SPON1: variants seen among roughly 807,000 people sequenced by gnomAD.
SPON1 encodes spondin-1.
A neutral mutation model predicts 111.7 loss-of-function variants in SPON1; 52 were observed. That is an observed-to-expected ratio of 0.47 (90% CI 0.37 to 0.59). The LOEUF is 0.59. Ranked by LOEUF, SPON1 falls within the 20% of genes least tolerant of loss-of-function variation. The probability of loss-of-function intolerance (pLI) is 0.00; values close to 1 mark genes in which losing one functional copy is unlikely to be tolerated. For missense variants in SPON1, 957 were observed against 1,068.5 expected, an observed-to-expected ratio of 0.90 and a Z score of 1.46; for synonymous variants, 410 against 395.8, an observed-to-expected ratio of 1.04 and a Z score of -0.43.
chr11:14,262,884 T>A lies in SPON1; in HGVS notation c.2169T>A (p.Asn723Lys). ...KKCRIRKCLR[N>K]PSIQKLRWRE... is the part of the protein sequence containing the mutation. ...GCCGCATCCGAAAATGCCTTCGAAA[T>A]CCATCCATCCAAAAGCTACGCTGGA... is the stretch of plus-strand genomic sequence containing the variant. The change falls in exon 15 of 16, where the codon AAT becomes AAA. Residue 723 changes from asparagine (N) to lysine (K), a missense_variant. By Grantham distance (94) the Asn-to-Lys change is moderately conservative (BLOSUM62 0). This residue lies in a region of SPON1 where 549 missense variants were observed against 606.2 expected (regional missense o/e 0.91). Transcript: ENST00000576479. 2.5e-6 allele frequency: 4 copies of A among 1,613,704 alleles called. No individual in the cohort carries two copies. The highest frequency in any genetic ancestry group is 3.4e-6 in the Non-Finnish European group (4 of 1,179,852).
intron 2 of SPON1, among the ~76,000 whole-genome samples, chr11:14,002,508 C>T (rs1487756809): frequency 6.6e-6 from 1 of 152,068 alleles, no homozygotes; most frequent in Non-Finnish European, 1.5e-5. Context: ...AGGGAAAGGA[C>T]AGGGCTGAAG....
At chr11:14,199,563 A>G (rs1207435398) in intron 6 of SPON1, among the ~76,000 whole-genome samples, 1 of 151,770 alleles carries the variant, frequency 6.6e-6, no homozygotes, top group African/African-American at 2.4e-5. Flanking sequence ...CCTTTTCCCA[A>G]TCTCCCTGCC....
intron 2 of SPON1, among the ~76,000 whole-genome samples, chr11:13,987,610 A>G (rs1554910598): frequency 6.6e-6 from 1 of 152,076 alleles, no homozygotes; most frequent in Non-Finnish European, 1.5e-5. Context: ...GGTGTTTTAG[A>G]CATGAAGTCT....
intron 2 of SPON1, among the ~76,000 whole-genome samples, chr11:13,986,532 C>T (rs1591340889): frequency 6.6e-6 from 1 of 151,266 alleles, no homozygotes; most frequent in Non-Finnish European, 1.5e-5. Context: ...CTTCTTGCTA[C>T]TTTGAAATAC....
intron 6 of SPON1, among the ~76,000 whole-genome samples, chr11:14,235,320 A>T (rs1848851070): frequency 6.6e-6 from 1 of 152,206 alleles, no homozygotes; most frequent in African/African-American, 2.4e-5. Context: ...TACAGCAGTG[A>T]GCAAAACAGA....
At chr11:14,236,646 C>A (rs1177106445) in intron 6 of SPON1, among the ~76,000 whole-genome samples, 1 of 152,140 alleles carries the variant, frequency 6.6e-6, no homozygotes, top group Non-Finnish European at 1.5e-5. Context: ...AAGGCTTGAG[C>A]CCTGGGGCAC....
chr11:14,224,509 C>G (rs1299552279), intron 6 of SPON1, among the ~76,000 whole-genome samples: 1 of 152,186 alleles, frequency 6.6e-6, no homozygotes, highest in Non-Finnish European at 1.5e-5. Flanking sequence ...ACCCTGGGTT[C>G]AGAGGCTGGT....
At chr11:14,127,301 C>CG (rs1329251260) in intron 5 of SPON1, among the ~76,000 whole-genome samples, 17 of 54,496 alleles carry the variant, frequency 3.1e-4, no homozygotes, top group East Asian at 6.9e-4. Flanking sequence ...ATCTGACCTC[C>CG]GAAAAAAAAA....
chr11:14,193,269 A>T (rs1848367140), intron 6 of SPON1, among the ~76,000 whole-genome samples: 1 of 152,140 alleles, frequency 6.6e-6, no homozygotes, highest in Non-Finnish European at 1.5e-5. Context: ...CAGAACCAGG[A>T]AGTGTTGGCA....
chr11:14,156,988 A>G (rs1847855770), intron 6 of SPON1, among the ~76,000 whole-genome samples: 1 of 152,164 alleles, frequency 6.6e-6, no homozygotes, highest in Non-Finnish European at 1.5e-5. Flanking sequence ...TCAACATGAG[A>G]TTTGGTCGAG....
rs77742613 is a variant in SPON1 at position 14,029,731 on chromosome 11, G to C, written c.346-11790G>C. On this transcript the variant is annotated intron_variant, in intron 2 of 15. Transcript: ENST00000576479. ...TGGCTTCATCCAGGAAGTGTAGTCA[G>C]GTTTTTCAGCCTTCAGGCTGTTTTA... 3.8e-3 allele frequency among the ~76,000 whole-genome samples: 578 copies of C among 152,258 alleles called. 3 individuals are homozygous for C. The highest frequency in any genetic ancestry group is 0.013 in the African/African-American group (528 of 41,552).
chr11:14,017,847 G>T (rs1485766678), intron 2 of SPON1, among the ~76,000 whole-genome samples: 1 of 152,184 alleles, frequency 6.6e-6, no homozygotes, highest in Non-Finnish European at 1.5e-5. Flanking sequence ...TTCTGATAAT[G>T]GATGCAATAC....
chr11:14,238,847 T>C (rs1246171991), intron 6 of SPON1, among the ~76,000 whole-genome samples: 2 of 152,182 alleles, frequency 1.3e-5, no homozygotes, highest in Non-Finnish European at 2.9e-5. Flanking sequence ...AATTGGTATG[T>C]CTTTAGAAAA....
intron 1 of SPON1, among the ~76,000 whole-genome samples, chr11:13,966,038 C>T (rs1015776654): frequency 2.0e-5 from 3 of 152,082 alleles, no homozygotes; most frequent in Admixed American, 6.5e-5. Flanking sequence ...TACTCTAGAC[C>T]GGAATAAAAT....
At chr11:14,199,375 A>T (rs1402703117) in intron 6 of SPON1, among the ~76,000 whole-genome samples, 1 of 150,362 alleles carries the variant, frequency 6.7e-6, no homozygotes, top group African/African-American at 2.5e-5. Flanking sequence ...CACCCAGACC[A>T]CTCCTTCCCT....
At position 14,262,938 on chromosome 11, in the gene SPON1, G is replaced by A. The variant is rs1554942075; in HGVS notation, c.2223G>A (p.Glu741=). The A allele has an allele frequency of 5.6e-6, 9 of 1,613,642 alleles. No individual in the cohort carries two copies. In the East Asian group the frequency reaches 6.7e-5, roughly 12 times the overall value. ...AGGCCCGAGAGAGCCGGCGGAGTGA[G>A]CAGCTGAAGGAAGAGTCTGAAGGGG... is the stretch of plus-strand genomic sequence containing the variant. ...WREARESRRS[E]QLKEESEGEQ... is the part of the protein sequence containing the mutation. The change falls in exon 15 of 16, where the codon GAG becomes GAA. Residue 741 remains glutamate (E), a synonymous_variant. Transcript: ENST00000576479.
intron 5 of SPON1, among the ~76,000 whole-genome samples, chr11:14,119,003 C>T (rs1849285105): frequency 6.6e-6 from 1 of 152,162 alleles, no homozygotes. Flanking sequence ...GATAGTGATA[C>T]TGATGAGGAT....
At position 14,228,594 on chromosome 11, in the gene SPON1, G is replaced by A. The variant is rs782615257; in HGVS notation, c.826-14738G>A. Among the ~76,000 whole-genome samples the A allele has an allele frequency of 1.5e-4, 23 of 152,180 alleles. No homozygotes were observed. The highest frequency in any genetic ancestry group is 6.5e-4 in the Admixed American group (10 of 15,280). ...CCTTTGTGCCCCTGGAGGATCACTG[G>A]ATGAGGGTCACCCTGGAAGGAAGTT... On this transcript the variant is annotated intron_variant, in intron 6 of 15. Transcript: ENST00000576479. The surrounding 1 kb of genome is among the most constrained non-coding windows in gnomAD (Gnocchi z 4.2).
Position 14,262,852 on chromosome 11 carries a change from A to G in SPON1, c.2137A>G (p.Lys713Glu). 1 of 1,613,878 alleles carries G rather than the reference A, an allele frequency of 6.2e-7. No individual in the cohort carries two copies. The highest frequency in any genetic ancestry group is 8.5e-7 in the Non-Finnish European group (1 of 1,179,870). The change falls in exon 15 of 16, where the codon AAA becomes GAA. Residue 713 changes from lysine to glutamate, a missense_variant. Lys to Glu is a moderately conservative substitution (Grantham distance 56, BLOSUM62 1). Coordinates refer to ENST00000576479, the MANE Select transcript of SPON1 (RefSeq NM_006108.4). ...ACCCTGCCCAGAGACTGTGCAGCGA[A>G]AAAAGTGCCGCATCCGAAAATGCCT... ...GAPCPETVQR[K>E]KCRIRKCLRN...
Sources: allele counts gnomAD v4.1 joint callset (sites outside exome capture counted in the v4.1 genomes callset), GRCh38; gene constraint gnomAD v4.1.1; regional missense constraint gnomAD v4.1.1; non-coding constraint Gnocchi (gnomAD v3.1); transcripts MANE v1.5; gene names NCBI Gene and HGNC (gene_info 2026-07-23, HGNC 2026-07-21).